The following RHCE variants were observed in gnomAD, a reference collection of about 807,000 sequenced individuals.
The protein encoded by RHCE is blood group Rh(CE) polypeptide.
A neutral mutation model predicts 43.8 loss-of-function variants in RHCE; 22 were observed. The observed-to-expected ratio is 0.50, with a 90% CI of 0.36 to 0.72. The LOEUF is 0.72. Ranked by LOEUF, RHCE falls within the 30% of genes least tolerant of loss-of-function variation. The pLI is 0.00. For missense variants in RHCE, 385 were observed against 525.4 expected (o/e 0.73, Z 2.61); for synonymous variants, 156 against 210.7 (o/e 0.74, Z 2.25).
chr1:25,377,031 C>A (rs1338548962), intron 7 of RHCE, among the ~76,000 whole-genome samples: 1 of 152,140 alleles, frequency 6.6e-6, no homozygotes, highest in Admixed American at 6.5e-5. Flanking sequence ...GCAGCCATCC[C>A]CCCTTCCGTG....
intron 7 of RHCE, among the ~76,000 whole-genome samples, chr1:25,380,527 G>A (rs926145961): frequency 3.9e-5 from 6 of 152,202 alleles, no homozygotes; most frequent in Non-Finnish European, 8.8e-5. Flanking sequence ...TGGGGTGGCC[G>A]TTCACAGCAC....
intron 5 of RHCE, among the ~76,000 whole-genome samples, chr1:25,390,355 T>C (rs1646318098): frequency 6.6e-6 from 1 of 152,200 alleles, no homozygotes; most frequent in South Asian, 2.1e-4. Flanking sequence ...ACTTCTCTAC[T>C]TCTGATTCTG....
At chr1:25,362,719 T>A (rs2124276939) in intron 9 of RHCE, among the ~76,000 whole-genome samples, 166 bp from the exon 10 acceptor site, 1 of 58,724 alleles carries the variant, frequency 1.7e-5, no homozygotes, top group East Asian at 3.9e-4. Context: ...TCATCTAACG[T>A]TTTACATGGA....
rs1323084776 is a variant in RHCE at position 25,406,238 on chromosome 1, C to CGTGT, written c.335+2444_335+2445insACAC. On this transcript the variant is annotated intron_variant, in intron 2 of 9. Transcript: ENST00000294413. ...GATGCAGTGTGTGTATGCGGGCGTGCGTGCGTGCGTGCGTGTGTGTGTGTG... is the reference window on the plus strand; with the variant it reads ...GATGCAGTGTGTGTATGCGGGCGTGCGTGTGTGCGTGCGTGCGTGTGTGTGTGTG... Among the ~76,000 whole-genome samples the CGTGT allele has an allele frequency of 8.2e-5, 7 of 85,856 alleles. 2 individuals are homozygous for CGTGT. The highest frequency in any genetic ancestry group is 1.5e-4 in the Non-Finnish European group (7 of 46,772). The allele number at this position is 85,856 out of a possible 152,430, so 56.3% of individuals were successfully genotyped here. A position where few individuals can be genotyped will look rare whatever the true frequency, so the allele number is the denominator to read the frequency against.
At chr1:25,415,419 G>A (rs1297592920) in intron 1 of RHCE, among the ~76,000 whole-genome samples, 21 of 152,174 alleles carry the variant, frequency 1.4e-4, no homozygotes, top group South Asian at 1.0e-3. Context: ...TTGGGAGGCC[G>A]AGGCGGGTGG....
chr1:25,389,465 G>T (rs1407992586), intron 5 of RHCE, among the ~76,000 whole-genome samples: 1 of 152,080 alleles, frequency 6.6e-6, no homozygotes, highest in Non-Finnish European at 1.5e-5. Flanking sequence ...TTAGAGACAG[G>T]GTCTTGCTAT....
intron 2 of RHCE, among the ~76,000 whole-genome samples, chr1:25,404,453 T>C (rs1448079304): frequency 6.7e-6 from 1 of 148,456 alleles, no homozygotes; most frequent in Non-Finnish European, 1.5e-5. Flanking sequence ...GGGGAAGGAG[T>C]CTTACAGGGA....
At chr1:25,418,205 T>G (rs2124542098) in intron 1 of RHCE, among the ~76,000 whole-genome samples, 1 of 152,298 alleles carries the variant, frequency 6.6e-6, no homozygotes, top group Admixed American at 6.5e-5. Flanking sequence ...TTTTGTATTT[T>G]TAGTAGAGAC....
intron 1 of RHCE, among the ~76,000 whole-genome samples, chr1:25,410,354 C>G (rs1052893340): frequency 6.6e-6 from 1 of 152,034 alleles, no homozygotes; most frequent in Non-Finnish European, 1.5e-5. Flanking sequence ...TTTTTCCCAT[C>G]ATGAATATTG....
Position 25,389,066 on chromosome 1 carries a change from G to C in RHCE, c.849C>G (p.Thr283=), listed in dbSNP as rs778131577. 5.6e-6 allele frequency: 9 copies of C among 1,613,960 alleles called. No individual in the cohort carries two copies. The Admixed American group carries it at 8.3e-5, about 15-fold the overall frequency. Residue 283 remains threonine, a synonymous_variant, in exon 6 of 10, where the codon ACC becomes ACG. Coordinates refer to ENST00000294413, the MANE Select transcript of RHCE (RefSeq NM_020485.8). ...AVLAGGVAVG[T]SCHLIPSPWL... Reference sequence around the variant, plus strand: ...ACGGAGAAGGGATCAGGTGACACGAGGTACCCACAGCCACGCCTCCTGCCA... The same window carrying C: ...ACGGAGAAGGGATCAGGTGACACGACGTACCCACAGCCACGCCTCCTGCCA...
chr1:25,379,481 ATATATATATATATATTTTTT>A (rs1241615952), intron 7 of RHCE, among the ~76,000 whole-genome samples: 12 of 17,916 alleles, frequency 6.7e-4, no homozygotes, highest in African/African-American at 1.4e-3. Context: ...ATATATATAT[ATATATATATATATATTTTTT>A]TTTTTTTTTT....
Position 25,388,976 on chromosome 1 carries a change from C to G in RHCE, c.939G>C (p.Pro313=). The G allele has an allele frequency of 6.2e-7, 1 of 1,614,218 alleles. No homozygotes were observed. The highest frequency in any genetic ancestry group is 8.5e-7 in the Non-Finnish European group (1 of 1,180,034). ...GAGCATTAGTTGTCTAGTTTCTTAC[C>G]GGCAGGCACTTGGCTCCCCCGATGG... The part of the protein sequence containing the change: ...LISIGGAKCL[P]VCCNRVLGIH... The change falls in exon 6 of 10, where the codon CCG becomes CCC. Residue 313 remains proline (P), a splice_region_variant and synonymous_variant. Transcript: ENST00000294413.
At chr1:25,371,236 A>G (rs1645603685) in intron 8 of RHCE, among the ~76,000 whole-genome samples, 1 of 151,294 alleles carries the variant, frequency 6.6e-6, no homozygotes, top group African/African-American at 2.5e-5. Context: ...GGGTGCTCCT[A>G]TAGGTCTGTC....
chr1:25,422,364 G>A (rs1490107978), upstream of RHCE, among the ~76,000 whole-genome samples: 4 of 152,060 alleles, frequency 2.6e-5, no homozygotes, highest in African/African-American at 9.7e-5. Context: ...TTATATAACA[G>A]CATGTACAAT....
At chr1:25,429,775 CTT>C (rs1295676956) in intron 1 of RHCE, among the ~76,000 whole-genome samples, 1 of 151,882 alleles carries the variant, frequency 6.6e-6, no homozygotes, top group East Asian at 1.9e-4. Context: ...GTGTTTTTTC[CTT>C]TTCGGCCACT....
chr1:25,379,407 T>C (rs1645886614), intron 7 of RHCE, among the ~76,000 whole-genome samples: 1 of 136,316 alleles, frequency 7.3e-6, no homozygotes, highest in Non-Finnish European at 1.5e-5. Context: ...GCCCCCAAAA[T>C]GCATGTCCTT....
chr1:25,397,425 A>G (rs1016491912), intron 3 of RHCE, among the ~76,000 whole-genome samples: 1 of 151,338 alleles, frequency 6.6e-6, no homozygotes, highest in African/African-American at 2.4e-5. Flanking sequence ...TGAACCTGGA[A>G]GGCAGAGGTT....
At chr1:25,425,193 T>A (rs889982932), upstream of RHCE, among the ~76,000 whole-genome samples, 1 of 152,246 alleles carries the variant, frequency 6.6e-6, no homozygotes, top group African/African-American at 2.4e-5. Flanking sequence ...CTGCTGTGGT[T>A]GCTGTTGTAT....
intron 1 of RHCE, among the ~76,000 whole-genome samples, chr1:25,414,893 A>C (rs542714235): frequency 6.6e-6 from 1 of 152,138 alleles, no homozygotes; most frequent in Non-Finnish European, 1.5e-5. Flanking sequence ...GCACCACAGA[A>C]TCATGATCAT....
Sources: allele counts gnomAD v4.1 joint callset (sites outside exome capture counted in the v4.1 genomes callset), GRCh38; gene constraint gnomAD v4.1.1; transcripts MANE v1.5; gene names NCBI Gene and HGNC (gene_info 2026-07-23, HGNC 2026-07-21).